The following NKAIN3 variants were observed in gnomAD, a reference collection of about 807,000 sequenced individuals.
NKAIN3 encodes sodium/potassium-transporting ATPase subunit beta-1-interacting protein 3.
A neutral mutation model predicts 30.2 loss-of-function variants in NKAIN3; 25 were observed. The ratio of observed to expected loss-of-function variants is 0.83; its 90% CI spans 0.60 to 1.16. The LOEUF is 1.16. NKAIN3 is among the 50% of genes most tolerant of loss of function. NKAIN3 has a pLI of 0.00. For missense variants in NKAIN3, 225 were observed against 254.1 expected (o/e 0.89, Z 0.78); for synonymous variants, 91 against 89.6 (o/e 1.02, Z -0.09).
At position 62,581,911 on chromosome 8, in the gene NKAIN3, T is replaced by A. The variant is rs556604128; in HGVS notation, c.192+2235T>A. 3.3e-4 allele frequency among the ~76,000 whole-genome samples: 28 copies of A among 84,296 alleles called. 4 individuals are homozygous for A. Among genetic ancestry groups the A allele is most frequent in the Non-Finnish European group, 4.7e-4 (22 of 47,126 alleles). 55.3% of individuals were successfully genotyped at this position (84,296 alleles called of 152,430 possible). On this transcript the variant is annotated intron_variant, in intron 2 of 6. Coordinates refer to ENST00000623646, the MANE Select transcript of NKAIN3 (RefSeq NM_001304533.3). ...TTCCTCCCTCCCTTCCTTCTTTCCT[T>A]CCTTCCCTCTTTCCTTTTTTCCTTC...
chr8:62,954,641 AATAG>A (rs1426394363), intron 6 of NKAIN3, among the ~76,000 whole-genome samples: 5 of 152,240 alleles, frequency 3.3e-5, no homozygotes, highest in African/African-American at 9.6e-5. Flanking sequence ...GAAACATGGA[AATAG>A]ATAGGGTGAC....
chr8:62,461,109 A>G (rs1805988558), intron 1 of NKAIN3, among the ~76,000 whole-genome samples: 1 of 152,214 alleles, frequency 6.6e-6, no homozygotes, highest in Non-Finnish European at 1.5e-5. Context: ...GTGAAGTCTA[A>G]TGCAGAGTTG....
chr8:62,643,150 T>C (rs1490782303), intron 3 of NKAIN3, among the ~76,000 whole-genome samples: 1 of 152,138 alleles, frequency 6.6e-6, no homozygotes, highest in Non-Finnish European at 1.5e-5. Context: ...ATTTATTCAA[T>C]TAGAGTATAG....
At chr8:62,991,829 T>A (rs532309756) in intron 5 of NKAIN3, among the ~76,000 whole-genome samples, 2 of 152,246 alleles carry the variant, frequency 1.3e-5, no homozygotes, top group East Asian at 3.9e-4. Context: ...GAACGTGTCT[T>A]TAAGGGACAA....
intron 1 of NKAIN3, among the ~76,000 whole-genome samples, chr8:62,443,396 T>G (rs1381700805): frequency 6.6e-6 from 1 of 152,090 alleles, no homozygotes; most frequent in Non-Finnish European, 1.5e-5. Flanking sequence ...TTTTATTTTA[T>G]TTTTTGAGAC....
chr8:62,850,791 G>C (rs1205942824), intron 4 of NKAIN3, among the ~76,000 whole-genome samples: 1 of 151,978 alleles, frequency 6.6e-6, no homozygotes, highest in Admixed American at 6.6e-5. Flanking sequence ...TTTCTGAGGT[G>C]TCTGTTCTGT....
intron 1 of NKAIN3, among the ~76,000 whole-genome samples, chr8:62,519,352 T>C (rs1245117701): frequency 1.3e-5 from 2 of 152,160 alleles, no homozygotes; most frequent in African/African-American, 4.8e-5. Context: ...CCAAATTCAC[T>C]TTCCATGACT....
At chr8:62,915,274 T>C (rs897980577) in intron 4 of NKAIN3, among the ~76,000 whole-genome samples, 1 of 152,208 alleles carries the variant, frequency 6.6e-6, no homozygotes, top group South Asian at 2.1e-4. Context: ...GCAGATAAAA[T>C]TGATTGATAA....
At chr8:62,456,383 G>C (rs999236928) in intron 1 of NKAIN3, among the ~76,000 whole-genome samples, 2 of 152,132 alleles carry the variant, frequency 1.3e-5, no homozygotes, top group African/African-American at 4.8e-5. Context: ...GCCAGGCGTG[G>C]TGGCGGGCGC....
intron 3 of NKAIN3, among the ~76,000 whole-genome samples, chr8:62,644,662 G>A (rs527554268): frequency 1.3e-5 from 2 of 152,236 alleles, no homozygotes; most frequent in East Asian, 3.9e-4. Flanking sequence ...TGACTAAAAG[G>A]TTAAGTAGTG....
intron 5 of NKAIN3, among the ~76,000 whole-genome samples, chr8:62,943,575 A>G (rs1823031919): frequency 6.6e-6 from 1 of 152,034 alleles, no homozygotes; most frequent in East Asian, 1.9e-4. Flanking sequence ...TACGAAAAAG[A>G]CACTTGCACG....
chr8:62,484,732 T>C (rs1390022388), intron 1 of NKAIN3, among the ~76,000 whole-genome samples: 1 of 152,180 alleles, frequency 6.6e-6, no homozygotes, highest in Non-Finnish European at 1.5e-5. Flanking sequence ...TGCTCAGATG[T>C]GAACAGAGAT....
intron 3 of NKAIN3, among the ~76,000 whole-genome samples, chr8:62,645,875 C>T (rs1812444462): frequency 6.6e-6 from 1 of 152,094 alleles, no homozygotes. Flanking sequence ...AATTGCTTAG[C>T]TCACAAAACA....
At chr8:62,449,949 G>C (rs1563403980) in intron 1 of NKAIN3, among the ~76,000 whole-genome samples, 1 of 152,160 alleles carries the variant, frequency 6.6e-6, no homozygotes, top group Admixed American at 6.5e-5. Context: ...TCTAAAATTA[G>C]AGGAAGCAAA....
intron 1 of NKAIN3, among the ~76,000 whole-genome samples, chr8:62,539,021 C>T (rs2129879156): frequency 6.6e-6 from 1 of 152,276 alleles, no homozygotes; most frequent in African/African-American, 2.4e-5. Context: ...TCAGGAGGGT[C>T]ATTCAGTGTA....
chr8:62,251,704 T>C (rs1468581347), intron 1 of NKAIN3, among the ~76,000 whole-genome samples: 1 of 152,212 alleles, frequency 6.6e-6, no homozygotes, highest in Non-Finnish European at 1.5e-5. Context: ...TTATTTAAAA[T>C]ATTTCTCCAT....
At chr8:62,833,299 G>C (rs935524989) in intron 4 of NKAIN3, among the ~76,000 whole-genome samples, 4 of 151,734 alleles carry the variant, frequency 2.6e-5, no homozygotes, top group Non-Finnish European at 5.9e-5. Context: ...TAACCCCAAA[G>C]CTAGCAGAAG....
chr8:62,437,348 C>T (rs918438217), intron 1 of NKAIN3, among the ~76,000 whole-genome samples: 2 of 152,154 alleles, frequency 1.3e-5, no homozygotes, highest in Non-Finnish European at 2.9e-5. Flanking sequence ...TTAACATAAA[C>T]GTTAACACGG....
chr8:62,504,366 A>T (rs1456483365), intron 1 of NKAIN3, among the ~76,000 whole-genome samples: 1 of 152,150 alleles, frequency 6.6e-6, no homozygotes, highest in Non-Finnish European at 1.5e-5. Flanking sequence ...CTGTCCCTTA[A>T]TGCATATGAG....
Sources: gnomAD v4.1 joint callset for allele counts (sites outside exome capture counted in the v4.1 genomes callset) on GRCh38, gnomAD v4.1.1 for gene constraint, MANE v1.5 for transcripts, NCBI Gene and HGNC (gene_info 2026-07-23, HGNC 2026-07-21) for gene names.